CMIP: variants seen among roughly 807,000 people sequenced by gnomAD.
CMIP encodes C-Maf-inducing protein.
Under a neutral mutation model 97.3 loss-of-function variants are expected in CMIP, and 13 were observed. That is an observed-to-expected ratio of 0.13 (90% CI 0.09 to 0.21). The LOEUF is 0.21. Ranked by LOEUF, CMIP falls within the 10% of genes least tolerant of loss-of-function variation. CMIP has a pLI of 1.00. For missense variants in CMIP, 847 were observed against 1,024.9 expected (o/e 0.83, Z 2.37); for synonymous variants, 538 against 436.3 (o/e 1.23, Z -2.91).
At chr16:81,488,646 C>T (rs1196303707) in intron 1 of CMIP, among the ~76,000 whole-genome samples, 1 of 152,092 alleles carries the variant, frequency 6.6e-6, no homozygotes, top group Non-Finnish European at 1.5e-5. Context: ...TGGTGGCACT[C>T]CTGGGCAGTC....
intron 9 of CMIP, among the ~76,000 whole-genome samples, chr16:81,674,693 C>T (rs1181068761): frequency 6.6e-6 from 1 of 152,158 alleles, no homozygotes; most frequent in Non-Finnish European, 1.5e-5. Flanking sequence ...TCAAGCGATT[C>T]TCCTGCCTCA....
chr16:81,527,936 T>TTA (rs1439375626), intron 1 of CMIP, among the ~76,000 whole-genome samples: 1 of 152,242 alleles, frequency 6.6e-6, no homozygotes, highest in Admixed American at 6.5e-5. Context: ...TTCTGTTGGC[T>TTA]TATAGTTAGG....
In CMIP at chr16:81,549,222, C is replaced by G. The variant is rs537579336; in HGVS notation, c.301-58345C>G. ...GGGAGCCGGTCAACCTGCAGGAGCACCTGGGTGACCAGCCTGAGGGTTGAT... is the reference window on the plus strand; with the variant it reads ...GGGAGCCGGTCAACCTGCAGGAGCAGCTGGGTGACCAGCCTGAGGGTTGAT... On this transcript the variant is annotated intron_variant, in intron 1 of 20. Coordinates refer to ENST00000537098, the MANE Select transcript of CMIP (RefSeq NM_198390.3). Among the ~76,000 whole-genome samples the G allele has an allele frequency of 7.2e-5, 11 of 152,328 alleles. 1 individual carries two copies. Among genetic ancestry groups the G allele is most frequent in the Middle Eastern group, 3.4e-3 (1 of 294 alleles).
chr16:81,671,258 G>C (rs2092680951), intron 8 of CMIP, among the ~76,000 whole-genome samples: 1 of 152,198 alleles, frequency 6.6e-6, no homozygotes, highest in South Asian at 2.1e-4. Flanking sequence ...CCTCATGCCA[G>C]AACCGTGGTG....
intron 1 of CMIP, among the ~76,000 whole-genome samples, chr16:81,484,074 C>A (rs1181019014): frequency 6.6e-6 from 1 of 152,192 alleles, no homozygotes; most frequent in Non-Finnish European, 1.5e-5. Context: ...ATGTGAGATT[C>A]ATTGGCGGAC....
chr16:81,473,356 G>A (rs1907675640), intron 1 of CMIP, among the ~76,000 whole-genome samples: 1 of 152,232 alleles, frequency 6.6e-6, no homozygotes, highest in Non-Finnish European at 1.5e-5. Flanking sequence ...CCATGTCTGG[G>A]ACGGATTTCA....
chr16:81,604,268 C>T (rs940505092), intron 1 of CMIP, among the ~76,000 whole-genome samples: 6 of 151,252 alleles, frequency 4.0e-5, no homozygotes, highest in East Asian at 3.9e-4. Context: ...TGGTGGCGCA[C>T]GCCTGTAATC....
At chr16:81,561,398 G>A (rs370925466) in intron 1 of CMIP, among the ~76,000 whole-genome samples, 3 of 152,238 alleles carry the variant, frequency 2.0e-5, no homozygotes, top group Non-Finnish European at 4.4e-5. Context: ...AAGGGACCCA[G>A]CTATGCAGAC....
At chr16:81,640,738 A>ATGTGTGTGTGTGTGTGTG (rs751455480) in intron 3 of CMIP, among the ~76,000 whole-genome samples, 10 of 138,934 alleles carry the variant, frequency 7.2e-5, no homozygotes, top group African/African-American at 2.1e-4. Flanking sequence ...TCTCTGGAGC[A>ATGTGTGTGTGTGTGTGTG]TGTGTGTGTG....
At chr16:81,490,154 T>C (rs758393135) in intron 1 of CMIP, among the ~76,000 whole-genome samples, 9 of 152,178 alleles carry the variant, frequency 5.9e-5, no homozygotes, top group Non-Finnish European at 1.2e-4. Flanking sequence ...AGCTAAAGGT[T>C]CCTGTTCCTC....
chr16:81,660,132 C>T (rs757830713), intron 5 of CMIP, among the ~76,000 whole-genome samples: 5 of 152,090 alleles, frequency 3.3e-5, no homozygotes, highest in African/African-American at 9.7e-5. Context: ...CTATGGAAGG[C>T]GCTCACCATG....
chr16:81,612,794 C>G (rs1238648089), intron 2 of CMIP, among the ~76,000 whole-genome samples: 1 of 151,926 alleles, frequency 6.6e-6, no homozygotes, highest in Non-Finnish European at 1.5e-5. Flanking sequence ...GGGACCTCTC[C>G]CATGTCTGAA....
intron 3 of CMIP, among the ~76,000 whole-genome samples, chr16:81,648,962 GTGCCCTGTT>G (rs1275676386): frequency 6.6e-6 from 1 of 152,084 alleles, no homozygotes; most frequent in Non-Finnish European, 1.5e-5. Context: ...GTGCTTGACA[GTGCCCTGTT>G]TATTGACTGT....
intron 1 of CMIP, among the ~76,000 whole-genome samples, chr16:81,562,364 C>G (rs2090899712): frequency 6.6e-6 from 1 of 152,236 alleles, no homozygotes; most frequent in South Asian, 2.1e-4. Flanking sequence ...GACAAGGGGG[C>G]CCTGTTTACA....
chr16:81,550,126 C>G (rs1031117903), intron 1 of CMIP, among the ~76,000 whole-genome samples: 3 of 152,114 alleles, frequency 2.0e-5, no homozygotes, highest in Non-Finnish European at 4.4e-5. Context: ...CACTGAGCAC[C>G]CTGCCCATGC....
intron 1 of CMIP, among the ~76,000 whole-genome samples, chr16:81,557,718 A>T (rs1027129552): frequency 1.3e-5 from 2 of 152,196 alleles, no homozygotes; most frequent in Non-Finnish European, 2.9e-5. Context: ...ATGAGCTATG[A>T]TGTTGCTACT....
rs184660469 is a variant in CMIP, at chr16:81,463,639, T to C, written c.300+18098T>C. On this transcript the variant is annotated intron_variant, in intron 1 of 20. Coordinates refer to ENST00000537098, the MANE Select transcript of CMIP (RefSeq NM_198390.3). ...CGGGTGAAATAATGGAACCTGCCAT[T>C]TCTCAGGCACCTATGATGTGCCAGG... Among the ~76,000 whole-genome samples the C allele has an allele frequency of 1.5e-4, 23 of 152,234 alleles. No homozygotes were observed. The East Asian group carries it at 4.5e-3, about 29-fold the overall frequency.
At chr16:81,544,019 A>G (rs1442018240) in intron 1 of CMIP, among the ~76,000 whole-genome samples, 1 of 152,232 alleles carries the variant, frequency 6.6e-6, no homozygotes. Flanking sequence ...GGCATGAGAA[A>G]TCTCCATTGT....
At chr16:81,507,021 G>A (rs978518677) in intron 1 of CMIP, among the ~76,000 whole-genome samples, 1 of 152,124 alleles carries the variant, frequency 6.6e-6, no homozygotes, top group African/African-American at 2.4e-5. Context: ...GGGAGGCCGA[G>A]GTAGGTGGAT....
Sources: gnomAD v4.1 joint callset for allele counts (sites outside exome capture counted in the v4.1 genomes callset) on GRCh38, gnomAD v4.1.1 for gene constraint, MANE v1.5 for transcripts, NCBI Gene and HGNC (gene_info 2026-07-23, HGNC 2026-07-21) for gene names.